CLUL1: variants seen among roughly 807,000 people sequenced by gnomAD.
The protein encoded by CLUL1 is clusterin-like protein 1.
Under a neutral mutation model 49.4 loss-of-function variants are expected in CLUL1, and 43 were observed. The ratio of observed to expected loss-of-function variants is 0.87; its 90% CI spans 0.68 to 1.12. The LOEUF (loss-of-function observed/expected upper bound fraction) is 1.12. Among genes scored for constraint, CLUL1 ranks in the 50% most tolerant of loss-of-function variants. The pLI is 0.00. For synonymous variants in CLUL1, 192 were observed against 184.9 expected, an observed-to-expected ratio of 1.04 and a Z score of -0.31; for missense variants, 486 against 544.4, an observed-to-expected ratio of 0.89 and a Z score of 1.07.
In CLUL1 at chr18:625,056, A is replaced by G. The variant is rs114700621; in HGVS notation, c.423+24A>G. 2.5e-4 allele frequency: 409 copies of G among 1,611,536 alleles called. 3 individuals carry two copies. The highest frequency in any genetic ancestry group is 5.4e-5 in the Non-Finnish European group (64 of 1,178,710). ...AGGTAAGAGAAAAAGAGAGCTCAAG[A>G]TTTCACAGTTCTTGAGGCACCTATT... is the stretch of plus-strand genomic sequence containing the variant. On this transcript the variant is annotated intron_variant, in intron 5 of 9. Coordinates refer to ENST00000692774, the MANE Select transcript of CLUL1 (RefSeq NM_001393344.1).
chr18:638,597 C>T (rs895577729), intron 7 of CLUL1, among the ~76,000 whole-genome samples: 2 of 152,046 alleles, frequency 1.3e-5, no homozygotes, highest in African/African-American at 4.8e-5. Flanking sequence ...GTGGCTCATC[C>T]CTGTAATTCC....
At chr18:599,204 A>G (rs2072748608) in intron 1 of CLUL1, among the ~76,000 whole-genome samples, 1 of 152,204 alleles carries the variant, frequency 6.6e-6, no homozygotes. Flanking sequence ...CTTTAAGTGT[A>G]TGTTGTTGTT....
chr18:613,321 T>C, intron 2 of CLUL1: 1 of 341,238 alleles, frequency 2.9e-6, no homozygotes, highest in Non-Finnish European at 5.3e-6. Flanking sequence ...GTATTTTTAG[T>C]AAAGATGGGC....
intron 6 of CLUL1, among the ~76,000 whole-genome samples, chr18:629,738 T>C (rs776652702): frequency 6.6e-6 from 1 of 152,216 alleles, no homozygotes; most frequent in Non-Finnish European, 1.5e-5. Context: ...TGTTACACTA[T>C]TGTACTCTTC....
intron 5 of CLUL1, among the ~76,000 whole-genome samples, chr18:626,864 T>TAAAGAAAGAAAGA (rs555005092): frequency 1.4e-5 from 1 of 70,798 alleles, no homozygotes; most frequent in Admixed American, 2.3e-4. Flanking sequence ...CCATCTCAAA[T>TAAAGAAAGAAAGA]AAGAAAGAAA....
At chr18:609,970 T>C (rs1443309472) in intron 2 of CLUL1, among the ~76,000 whole-genome samples, 1 of 152,112 alleles carries the variant, frequency 6.6e-6, no homozygotes, top group Non-Finnish European at 1.5e-5. Context: ...ATATATATGC[T>C]CCTGTTTATA....
rs776330051 is a variant in CLUL1 at position 641,463 on chromosome 18, G to A, written c.1131G>A (p.Lys377=). ...HLEDTAYLVE[K]MRGQFGWVSE... ...AGGACACCGCCTATCTGGTGGAGAA[G>A]ATGAGAGGGCAATTTGGCTGGGTGT... The change falls in exon 8 of 10, where the codon AAG becomes AAA. Residue 377 remains lysine (K), a synonymous_variant. Transcript: ENST00000692774. 9 of 1,614,112 alleles carry A rather than the reference G, an allele frequency of 5.6e-6. No individual in the cohort carries two copies. In the African/African-American group the frequency reaches 1.2e-4, roughly 22 times the overall value.
chr18:627,154 G>T lies in CLUL1; in HGVS notation c.481G>T (p.Glu161Ter). Residue 161 changes from glutamate (E) to a stop codon, truncating the protein, a stop_gained, in exon 6 of 10, where the codon GAA becomes TAA. Transcript: ENST00000692774. LOFTEE classifies it high-confidence loss of function. Reference protein sequence around the residue: ...QFLFPFHEDNEKDLPISEKLI... With the variant: ...QFLFPFHEDN Reference sequence around the variant, plus strand: ...TCTATTTCCTTTCCATGAAGATAATGAAAAAGATCTCCCCATCAGTGAAAA... The same window carrying T: ...TCTATTTCCTTTCCATGAAGATAATTAAAAAGATCTCCCCATCAGTGAAAA... The T allele has an allele frequency of 6.2e-7, 1 of 1,613,034 alleles. No homozygotes were observed. The highest frequency in any genetic ancestry group is 8.5e-7 in the Non-Finnish European group (1 of 1,179,478).
chr18:631,271 C>T (rs552580999), intron 6 of CLUL1, among the ~76,000 whole-genome samples: 3 of 152,222 alleles, frequency 2.0e-5, no homozygotes, highest in African/African-American at 4.8e-5. Context: ...CTGTTGAAAG[C>T]GAATAGGTCC....
intron 1 of CLUL1, among the ~76,000 whole-genome samples, chr18:597,387 G>A (rs1050228397): frequency 3.3e-5 from 5 of 152,190 alleles, no homozygotes; most frequent in Admixed American, 6.5e-5. Context: ...ACAGGAGGAG[G>A]AGGTAGAGGC....
rs35329822 is a variant in CLUL1, at chr18:645,810, AATATATATATATATATATATATAT to A, written c.1397+732_1397+755del. Among the ~76,000 whole-genome samples the A allele has an allele frequency of 3.7e-4, 11 of 29,872 alleles. 2 individuals carry two copies. The highest frequency in any genetic ancestry group is 1.7e-3 in the East Asian group (2 of 1,158). 19.6% of individuals were successfully genotyped at this position (29,872 alleles called of 152,430 possible). A position where few individuals can be genotyped will look rare whatever the true frequency, so the allele number is the denominator to read the frequency against. ...CTCTGTTTAAAAAAAAAAAAAAAAA[AATATATATATATATATATATATAT>A]ATATATATATATATATATGTTAAAC... On this transcript the variant is annotated intron_variant, in intron 9 of 9. Coordinates refer to ENST00000692774, the MANE Select transcript of CLUL1 (RefSeq NM_001393344.1).
rs769463343 is a variant in CLUL1, at chr18:624,900, T to A, written c.291T>A (p.His97Gln). The A allele has an allele frequency of 6.2e-7, 1 of 1,614,136 alleles. No homozygotes were observed. The highest frequency in any genetic ancestry group is 8.5e-7 in the Non-Finnish European group (1 of 1,179,992). The change falls in exon 5 of 10, where the codon CAT (histidine) becomes CAA (glutamine). Residue 97 changes from histidine (H) to glutamine (Q), a missense_variant. Coordinates refer to ENST00000692774, the MANE Select transcript of CLUL1 (RefSeq NM_001393344.1). ...ALKLLNEVQE[H>Q]LEEEERLCRE... ...AACTTCTGAATGAAGTTCAAGAACA[T>A]CTGGAGGAAGAAGAAAGGCTATGCC... is the stretch of plus-strand genomic sequence containing the variant.
intron 4 of CLUL1, among the ~76,000 whole-genome samples, chr18:624,203 G>T (rs1490481037): frequency 6.6e-6 from 1 of 152,002 alleles, no homozygotes; most frequent in African/African-American, 2.4e-5. Flanking sequence ...CCACAAGGGG[G>T]AGCACTGGGA....
intron 6 of CLUL1, among the ~76,000 whole-genome samples, chr18:630,082 T>C (rs929822135): frequency 2.0e-5 from 3 of 152,162 alleles, no homozygotes; most frequent in African/African-American, 7.2e-5. Flanking sequence ...CAGATGGAAA[T>C]CAATTTGTTA....
chr18:612,909 T>C lies in CLUL1; in HGVS notation c.-13-5079T>C, dbSNP rs114798153. On this transcript the variant is annotated intron_variant, in intron 2 of 9. Coordinates refer to ENST00000692774, the MANE Select transcript of CLUL1 (RefSeq NM_001393344.1). Reference sequence around the variant, plus strand: ...GCTGGAAGCAAGAGAAGCACTATTCTGGGTAAAATGGAAATTTTAAATGTA... The same window carrying C: ...GCTGGAAGCAAGAGAAGCACTATTCCGGGTAAAATGGAAATTTTAAATGTA... 7.6e-3 allele frequency: 1,320 copies of C among 172,916 alleles called. 21 individuals carry two copies. The highest frequency in any genetic ancestry group is 0.029 in the African/African-American group (1,226 of 42,276). The allele number at this position is 172,916 out of a possible 1,614,324, so 10.7% of individuals were successfully genotyped here.
At chr18:647,237 G>A (rs895016550) in intron 9 of CLUL1, among the ~76,000 whole-genome samples, 7 of 149,340 alleles carry the variant, frequency 4.7e-5, no homozygotes, top group South Asian at 4.2e-4. Flanking sequence ...CTAAAAATAC[G>A]GCAAGAAAGA....
At chr18:610,102 A>G (rs1041550676) in intron 2 of CLUL1, among the ~76,000 whole-genome samples, 5 of 152,122 alleles carry the variant, frequency 3.3e-5, no homozygotes, top group African/African-American at 1.2e-4. Flanking sequence ...TACTTATGGT[A>G]TTTTACCCAT....
intron 1 of CLUL1, among the ~76,000 whole-genome samples, 167 bp downstream of exon 1, chr18:597,296 A>G (rs1416891381): frequency 6.6e-6 from 1 of 152,034 alleles, no homozygotes; most frequent in Non-Finnish European, 1.5e-5. Context: ...AGGTAGAAAT[A>G]CTGTGGGCTG....
chr18:639,754 T>C (rs1054382480), intron 7 of CLUL1, among the ~76,000 whole-genome samples: 23 of 151,678 alleles, frequency 1.5e-4, no homozygotes, highest in Non-Finnish European at 2.7e-4. Context: ...AACAGAGTGA[T>C]ACTCTGTCTC....
Sources: gnomAD v4.1 joint callset for allele counts (sites outside exome capture counted in the v4.1 genomes callset) on GRCh38, gnomAD v4.1.1 for gene constraint, MANE v1.5 for transcripts, NCBI Gene and HGNC (gene_info 2026-07-23, HGNC 2026-07-21) for gene names.